The following ANK2 variants were observed in gnomAD, a reference collection of about 807,000 sequenced individuals.
The protein encoded by ANK2 is ankyrin 2, also known as ankyrin-2.
ANK2 carries 83 observed loss-of-function variants against 360.5 expected under a neutral mutation model. That is an observed-to-expected ratio of 0.23 (90% confidence interval 0.19 to 0.28). The LOEUF (loss-of-function observed/expected upper bound fraction) is 0.28. ANK2 is among the 10% of genes least tolerant of loss of function. The pLI, the probability that ANK2 is intolerant of heterozygous loss-of-function variation, is 1.00. For missense variants in ANK2, 4,201 were observed against 4,795.7 expected (o/e 0.88, Z 3.66); for synonymous variants, 1,740 against 1,759.5 (o/e 0.99, Z 0.28).
intron 2 of ANK2, among the ~76,000 whole-genome samples, chr4:113,016,362 C>T (rs1320736235): frequency 2.0e-5 from 3 of 152,102 alleles, no homozygotes; most frequent in African/African-American, 7.2e-5. Context: ...GTTCTTCACC[C>T]GCCAAGTTTC....
chr4:113,063,474 C>T (rs2074374329), intron 1 of ANK2, among the ~76,000 whole-genome samples: 1 of 151,992 alleles, frequency 6.6e-6, no homozygotes, highest in Non-Finnish European at 1.5e-5. Flanking sequence ...AAAAGAATTG[C>T]TTTTTGCCAC....
intron 14 of ANK2, among the ~76,000 whole-genome samples, chr4:113,268,518 G>A (rs562199519): frequency 1.3e-5 from 2 of 152,198 alleles, no homozygotes; most frequent in South Asian, 4.2e-4. Context: ...TGTAGTTTTT[G>A]TCATTGGTTC....
At chr4:112,947,282 G>A (rs1252705235) in intron 2 of ANK2, among the ~76,000 whole-genome samples, 1 of 152,102 alleles carries the variant, frequency 6.6e-6, no homozygotes, top group African/African-American at 2.4e-5. Context: ...AATTTTAATG[G>A]AAATCTTTGC....
chr4:113,166,498 A>C (rs1030079126), intron 1 of ANK2, among the ~76,000 whole-genome samples: 3 of 152,074 alleles, frequency 2.0e-5, no homozygotes, highest in Non-Finnish European at 4.4e-5. Context: ...TTAAAAGCAC[A>C]TAGAGAATGT....
intron 21 of ANK2, 90 bp from the exon 22 acceptor site, chr4:113,293,350 T>A: frequency 8.9e-7 from 1 of 1,117,578 alleles, no homozygotes. Flanking sequence ...AAGGAAATGC[T>A]GGCTGATGCA....
At chr4:112,938,532 A>G (rs1175017345) in intron 2 of ANK2, among the ~76,000 whole-genome samples, 1 of 152,214 alleles carries the variant, frequency 6.6e-6, no homozygotes, top group African/African-American at 2.4e-5. Context: ...TTTCCCCAAA[A>G]TGATATATTT....
chr4:113,304,557 T>C (rs953892858), intron 23 of ANK2, among the ~76,000 whole-genome samples: 2 of 152,192 alleles, frequency 1.3e-5, no homozygotes, highest in African/African-American at 4.8e-5. Flanking sequence ...ATTATATAAA[T>C]ATTTTTCCAC....
the ANK2 span, among the ~76,000 whole-genome samples, chr4:112,802,792 C>T: frequency 3.9e-5 from 6 of 152,094 alleles, no homozygotes; most frequent in African/African-American, 1.4e-4. Flanking sequence ...AAAAACGATA[C>T]GCCTCAAACT....
intron 4 of ANK2, among the ~76,000 whole-genome samples, chr4:113,229,005 C>G (rs1399339974): frequency 6.6e-6 from 1 of 152,172 alleles, no homozygotes; most frequent in African/African-American, 2.4e-5. Flanking sequence ...ACTCCTATCC[C>G]TGACTCCATC....
At chr4:112,765,647 C>G in the ANK2 span, among the ~76,000 whole-genome samples, 1 of 146,700 alleles carries the variant, frequency 6.8e-6, no homozygotes, top group African/African-American at 2.6e-5. Context: ...GGAACAACTC[C>G]CCCCTCCCCC....
At chr4:112,743,154 C>G in the ANK2 span, among the ~76,000 whole-genome samples, 16 of 152,162 alleles carry the variant, frequency 1.1e-4, no homozygotes, top group Admixed American at 1.0e-3. Context: ...ACAGGCTGAC[C>G]ATTTTAATGG....
intron 16 of ANK2, 78 bp from the exon 17 acceptor site, chr4:113,278,382 A>AG: frequency 6.9e-6 from 8 of 1,164,526 alleles, no homozygotes; most frequent in Non-Finnish European, 1.0e-5. Context: ...AATCAATATC[A>AG]GTTTCCAGGC....
In ANK2 at chr4:113,004,607, A is replaced by C. The variant is rs117055817; in HGVS notation, c.21+100093A>C. On this transcript the variant is annotated intron_variant, in intron 2 of 30. Coordinates refer to the ANK2 transcript ENST00000503271. The stretch of plus-strand genomic sequence containing the variant: ...CCTGTCTGAAGCTATTTTACAGTTA[A>C]CTTCTTTTTCTATAAGTGATGGGGA... Among the ~76,000 whole-genome samples the C allele has an allele frequency of 1.5e-3, 235 of 152,262 alleles. 6 individuals are homozygous for C. The East Asian group carries it at 0.04, about 26-fold the overall frequency.
intron 2 of ANK2, among the ~76,000 whole-genome samples, chr4:112,913,491 C>G (rs986892572): frequency 6.6e-6 from 1 of 152,136 alleles, no homozygotes; most frequent in African/African-American, 2.4e-5. Context: ...TCCAAACTTT[C>G]TTAATACTGT....
intron 1 of ANK2, among the ~76,000 whole-genome samples, chr4:112,856,729 A>G (rs2066510985): frequency 6.6e-6 from 1 of 152,270 alleles, no homozygotes; most frequent in Admixed American, 6.5e-5. Flanking sequence ...CTCCGTCTCA[A>G]AAAACAAAAA....
intron 1 of ANK2, chr4:113,117,563 A>G (rs551410648): frequency 1.2e-5 from 4 of 336,220 alleles, no homozygotes; most frequent in Admixed American, 7.2e-5. Context: ...GCTCATGCCT[A>G]CATTTGCTGC....
intron 2 of ANK2, among the ~76,000 whole-genome samples, chr4:113,186,632 T>C (rs903049607): frequency 4.6e-5 from 7 of 150,608 alleles, no homozygotes; most frequent in African/African-American, 1.7e-4. Context: ...TATCTCTGTA[T>C]TGATGATTGT....
chr4:112,754,954 T>C, the ANK2 span, among the ~76,000 whole-genome samples: 1 of 152,248 alleles, frequency 6.6e-6, no homozygotes, highest in African/African-American at 2.4e-5. Flanking sequence ...CCTCAAACTC[T>C]TATATCCTAA....
intron 1 of ANK2, among the ~76,000 whole-genome samples, chr4:113,142,899 T>A (rs749701381): frequency 1.3e-5 from 2 of 152,224 alleles, no homozygotes; most frequent in Non-Finnish European, 2.9e-5. Context: ...GGTGTTAACC[T>A]TTTTTTCAAA....
Sources: gnomAD v4.1 joint callset for allele counts (sites outside exome capture counted in the v4.1 genomes callset) on GRCh38, gnomAD v4.1.1 for gene constraint, MANE v1.5 for transcripts, NCBI Gene and HGNC (gene_info 2026-07-23, HGNC 2026-07-21) for gene names.